Variants in ZNF521 observed in about 807,000 individuals in gnomAD.
The protein encoded by ZNF521 is LYST-interacting protein 3.
Under a neutral mutation model 105.5 loss-of-function variants are expected in ZNF521, and 14 were observed. The observed-to-expected ratio is 0.13, with a 90% CI of 0.09 to 0.21. ZNF521 has a LOEUF of 0.21. Ranked by LOEUF, ZNF521 falls within the 10% of genes least tolerant of loss-of-function variation. The probability of loss-of-function intolerance (pLI) is 1.00; values close to 1 mark genes in which losing one functional copy is unlikely to be tolerated. For missense variants in ZNF521, 1,233 were observed against 1,629.7 expected, an observed-to-expected ratio of 0.76 and a Z score of 4.19; for synonymous variants, 635 against 606.0, an observed-to-expected ratio of 1.05 and a Z score of -0.70.
intron 5 of ZNF521, among the ~76,000 whole-genome samples, chr18:25,167,958 G>C (rs535044517): frequency 6.6e-6 from 1 of 152,158 alleles, no homozygotes. Context: ...AAGGTCACTC[G>C]CATAAAAGAG....
At chr18:25,265,855 T>C (rs758122118) in intron 3 of ZNF521, among the ~76,000 whole-genome samples, 64 of 151,988 alleles carry the variant, frequency 4.2e-4, no homozygotes, top group Non-Finnish European at 1.9e-4. Flanking sequence ...TATTCAGACA[T>C]AAAAAAAGAA....
chr18:25,140,480 G>C (rs190559290), intron 5 of ZNF521, among the ~76,000 whole-genome samples: 1 of 152,180 alleles, frequency 6.6e-6, no homozygotes, highest in Admixed American at 6.5e-5. Context: ...TAAGAGTGTC[G>C]TGGGAATTTA....
intron 2 of ZNF521, among the ~76,000 whole-genome samples, chr18:25,337,599 C>T (rs1250738264): frequency 6.6e-6 from 1 of 152,154 alleles, no homozygotes; most frequent in Non-Finnish European, 1.5e-5. Flanking sequence ...TGTTTTTTCA[C>T]AAGTCGCATT....
chr18:25,190,348 T>C (rs976354727), intron 5 of ZNF521, among the ~76,000 whole-genome samples: 2 of 152,212 alleles, frequency 1.3e-5, no homozygotes, highest in African/African-American at 4.8e-5. Context: ...TAGGATAGCA[T>C]GGAGATTATA....
chr18:25,148,348 G>A (rs907968723), intron 5 of ZNF521, among the ~76,000 whole-genome samples: 3 of 152,152 alleles, frequency 2.0e-5, no homozygotes, highest in African/African-American at 7.2e-5. Flanking sequence ...ATATTCTTGT[G>A]GTCTGGAAAT....
chr18:25,327,432 A>G, intron 2 of ZNF521: 5 of 1,166,770 alleles, frequency 4.3e-6, no homozygotes, highest in Non-Finnish European at 5.4e-6. Flanking sequence ...TTCGTGACAT[A>G]TTTAGAAGTC....
At chr18:25,247,281 A>C (rs568642842) in intron 3 of ZNF521, among the ~76,000 whole-genome samples, 1 of 152,334 alleles carries the variant, frequency 6.6e-6, no homozygotes, top group African/African-American at 2.4e-5. Flanking sequence ...GTTCTGTGGA[A>C]GAAGCACGAA....
intron 3 of ZNF521, among the ~76,000 whole-genome samples, chr18:25,237,996 G>A (rs1306766384): frequency 6.6e-6 from 1 of 152,154 alleles, no homozygotes; most frequent in African/African-American, 2.4e-5. Context: ...TTTTACAGAT[G>A]AACAAATAGG....
At position 25,062,191 on chromosome 18, in the gene ZNF521, A is replaced by G. The variant is rs867725160; in HGVS notation, c.*521T>C. 9 of 206,494 alleles carry G rather than the reference A, an allele frequency of 4.4e-5. No individual in the cohort carries two copies. Among genetic ancestry groups the G allele is most frequent in the Middle Eastern group, 3.2e-3 (2 of 634 alleles). The allele number at this position is 206,494 out of a possible 1,614,324, so 12.8% of individuals were successfully genotyped here. A position where few individuals can be genotyped will look rare whatever the true frequency, so the allele number is the denominator to read the frequency against. On this transcript the variant is annotated 3_prime_UTR_variant, in exon 8 of 8. Coordinates refer to ENST00000361524, the MANE Select transcript of ZNF521 (RefSeq NM_015461.3). ...CATTGCAAGGCTTACAAATATATATATACGGGCCTTATCCAGCTGTGGGGT... is the reference window on the plus strand; with the variant it reads ...CATTGCAAGGCTTACAAATATATATGTACGGGCCTTATCCAGCTGTGGGGT...
rs139830734 is a variant in ZNF521, at chr18:25,118,763, G to C, written c.3659-26682C>G. 5.6e-3 allele frequency among the ~76,000 whole-genome samples: 856 copies of C among 152,122 alleles called. 5 individuals carry two copies. Among genetic ancestry groups the C allele is most frequent in the Non-Finnish European group, 9.1e-3 (616 of 67,912 alleles). On this transcript the variant is annotated intron_variant, in intron 5 of 7. Transcript: ENST00000361524. Reference sequence around the variant, plus strand: ...AATGAGGCAAATAGCAAAGACATGGGAGGCCTAAATCTAACCACATTAATA... The same window carrying C: ...AATGAGGCAAATAGCAAAGACATGGCAGGCCTAAATCTAACCACATTAATA...
At chr18:25,271,130 GACAA>G (rs551669293) in intron 3 of ZNF521, among the ~76,000 whole-genome samples, 50 of 152,248 alleles carry the variant, frequency 3.3e-4, no homozygotes, top group Non-Finnish European at 6.9e-4. Flanking sequence ...ACCAATAACA[GACAA>G]ACAGAGAGCC....
chr18:25,138,281 A>G (rs1056422804), intron 5 of ZNF521, among the ~76,000 whole-genome samples: 1 of 152,222 alleles, frequency 6.6e-6, no homozygotes, highest in Non-Finnish European at 1.5e-5. Flanking sequence ...AACATATTTC[A>G]AAGAACTTGT....
chr18:25,164,600 T>C (rs971551926), intron 5 of ZNF521, among the ~76,000 whole-genome samples: 3 of 152,190 alleles, frequency 2.0e-5, no homozygotes, highest in Non-Finnish European at 2.9e-5. Flanking sequence ...GGAGCATATC[T>C]CAGGAGATTT....
chr18:25,234,058 A>G (rs933804519), intron 3 of ZNF521, among the ~76,000 whole-genome samples: 1 of 152,198 alleles, frequency 6.6e-6, no homozygotes, highest in African/African-American at 2.4e-5. Context: ...CACGGAAATC[A>G]AGACATTGTG....
chr18:25,073,246 T>C (rs1032901871), intron 7 of ZNF521, among the ~76,000 whole-genome samples: 4 of 152,204 alleles, frequency 2.6e-5, no homozygotes, highest in Non-Finnish European at 4.4e-5. Flanking sequence ...GAAGCTTAAA[T>C]TGATAATTGC....
At chr18:25,278,341 T>C (rs1910163145) in intron 3 of ZNF521, among the ~76,000 whole-genome samples, 2 of 152,214 alleles carry the variant, frequency 1.3e-5, no homozygotes, top group Non-Finnish European at 2.9e-5. Flanking sequence ...GACAAGTATT[T>C]CCAACAAAGA....
Position 25,164,832 on chromosome 18 carries a change from T to A in ZNF521, c.3658+30328A>T, listed in dbSNP as rs545083487. On this transcript the variant is annotated intron_variant, in intron 5 of 7. Coordinates refer to ENST00000361524, the MANE Select transcript of ZNF521 (RefSeq NM_015461.3). Reference sequence around the variant, plus strand: ...AGCTGGCATTTTTTACTCTTATTTGTTTTTGTGTAATCAGAATAATAGTTA... The same window carrying A: ...AGCTGGCATTTTTTACTCTTATTTGATTTTGTGTAATCAGAATAATAGTTA... Among the ~76,000 whole-genome samples, 4 of 152,356 alleles carry A rather than the reference T, an allele frequency of 2.6e-5. No individual in the cohort carries two copies. The East Asian group carries it at 7.7e-4, about 29-fold the overall frequency.
chr18:25,203,059 T>G (rs770734529), intron 4 of ZNF521, among the ~76,000 whole-genome samples: 10 of 152,180 alleles, frequency 6.6e-5, no homozygotes, highest in Non-Finnish European at 1.3e-4. Context: ...AACCAAGAGA[T>G]ATTAACCGTG....
At chr18:25,230,074 C>T (rs761941973) in intron 3 of ZNF521, among the ~76,000 whole-genome samples, 2 of 152,102 alleles carry the variant, frequency 1.3e-5, no homozygotes, top group South Asian at 2.1e-4. Context: ...TTCAGTGACA[C>T]GTCAAGTGAG....
Sources: allele counts gnomAD v4.1 joint callset (sites outside exome capture counted in the v4.1 genomes callset), GRCh38; gene constraint gnomAD v4.1.1; transcripts MANE v1.5; gene names NCBI Gene and HGNC (gene_info 2026-07-23, HGNC 2026-07-21).